PCDHGB3: variants seen among roughly 807,000 people sequenced by gnomAD.
PCDHGB3 encodes protocadherin gamma subfamily B, 3.
In PCDHGB3, 40 loss-of-function variants were observed where a neutral mutation model predicts 59.2. That is an observed-to-expected ratio of 0.68 (90% CI 0.52 to 0.88). The LOEUF (loss-of-function observed/expected upper bound fraction) is 0.88, where lower values mean the gene tolerates loss of function less well. PCDHGB3 is among the 40% of genes least tolerant of loss of function. PCDHGB3 has a pLI of 0.00. For missense variants in PCDHGB3, 1,309 were observed against 1,187.9 expected, an observed-to-expected ratio of 1.10 and a Z score of -1.50; for synonymous variants, 581 against 503.6, an observed-to-expected ratio of 1.15 and a Z score of -2.06.
At chr5:141,463,438 CTTTTTTTTTTTTTT>C (rs71576115) in intron 1 of PCDHGB3, among the ~76,000 whole-genome samples, 7 of 103,256 alleles carry the variant, frequency 6.8e-5, no homozygotes, top group Non-Finnish European at 9.4e-5. Flanking sequence ...TTTCCTTCTC[CTTTTTTTTTTTTTT>C]TTTTTTTTTT....
At chr5:141,405,556 C>G in intron 1 of PCDHGB3, 1 of 619,826 alleles carries the variant, frequency 1.6e-6, no homozygotes, top group African/African-American at 1.8e-5. Flanking sequence ...AGTAGAGTAG[C>G]TGGGACTAGA....
At position 141,432,319 on chromosome 5, in the gene PCDHGB3, C is replaced by A; in HGVS notation, c.2415+59510C>A. The A allele has an allele frequency of 6.2e-7, 1 of 1,614,264 alleles. No individual in the cohort carries two copies. Among genetic ancestry groups the A allele is most frequent in the South Asian group, 1.1e-5 (1 of 91,088 alleles). ...GGGTACTGTATGCGCTGAGCTCCTTCGACTACGAGCAGTTCCGAGACTTGC... is the reference window on the plus strand; with the variant it reads ...GGGTACTGTATGCGCTGAGCTCCTTAGACTACGAGCAGTTCCGAGACTTGC... On this transcript the variant is annotated intron_variant, in intron 1 of 3. Transcript: ENST00000576222. The surrounding 1 kb of genome is among the most constrained non-coding windows in gnomAD (Gnocchi z 6.0).
At chr5:141,446,049 G>T (rs1043671484) in intron 1 of PCDHGB3, among the ~76,000 whole-genome samples, 1 of 152,100 alleles carries the variant, frequency 6.6e-6, no homozygotes, top group African/African-American at 2.4e-5. Context: ...AAGAAGAGCT[G>T]GCTTGGATTA....
At chr5:141,376,372 G>T in intron 1 of PCDHGB3, 1 of 1,614,182 alleles carries the variant, frequency 6.2e-7, no homozygotes, top group Non-Finnish European at 8.5e-7. Flanking sequence ...CTGCAGACTC[G>T]CGTAAGAGTC....
intron 1 of PCDHGB3, among the ~76,000 whole-genome samples, chr5:141,473,366 A>T (rs1292258135): frequency 1.3e-5 from 2 of 152,202 alleles, no homozygotes; most frequent in Non-Finnish European, 2.9e-5. Context: ...GGCCACCAAA[A>T]TAGCATGGTC....
chr5:141,489,804 G>A lies in PCDHGB3; in HGVS notation c.2416-5003G>A, dbSNP rs2099692572. 1 of 1,614,056 alleles carries A rather than the reference G, an allele frequency of 6.2e-7. No homozygotes were observed. The highest frequency in any genetic ancestry group is 1.3e-5 in the African/African-American group (1 of 74,932). ...TGAATGTGAAGACCCTAAAAGATGG[G>A]AAGCCATTCCCAGAGCTGGTGCTAG... On this transcript the variant is annotated intron_variant, in intron 1 of 3. Transcript: ENST00000576222. The surrounding 1 kb of genome is among the most constrained non-coding windows in gnomAD (Gnocchi z 4.5).
intron 1 of PCDHGB3, chr5:141,376,149 TCA>T (rs1772336007): frequency 1.2e-6 from 2 of 1,613,934 alleles, no homozygotes; most frequent in Non-Finnish European, 1.7e-6. Context: ...GATTCGGACC[TCA>T]CTCTGTACCT....
At chr5:141,401,756 A>G (rs560146125) in intron 1 of PCDHGB3, among the ~76,000 whole-genome samples, 2 of 152,332 alleles carry the variant, frequency 1.3e-5, no homozygotes, top group African/African-American at 4.8e-5. Context: ...CTCCCATTAC[A>G]TGGTATAAGT....
chr5:141,404,363 A>G (rs1459982001), intron 1 of PCDHGB3: 15 of 1,613,846 alleles, frequency 9.3e-6, no homozygotes, highest in African/African-American at 1.3e-5. Flanking sequence ...AGGTACTTCC[A>G]TCTTCTCCGT....
chr5:141,384,708 G>T (rs1222018997), intron 1 of PCDHGB3: 3 of 1,614,116 alleles, frequency 1.9e-6, no homozygotes, highest in Non-Finnish European at 2.5e-6. Context: ...AGAACGCCTG[G>T]CTGTCATACC....
chr5:141,375,785 C>G, intron 1 of PCDHGB3: 1 of 1,614,256 alleles, frequency 6.2e-7, no homozygotes, highest in Non-Finnish European at 8.5e-7. Context: ...CCCCGCCCTC[C>G]CCACAGACGG....
intron 1 of PCDHGB3, chr5:141,492,013 T>G: frequency 1.6e-6 from 1 of 610,970 alleles, no homozygotes; most frequent in Non-Finnish European, 2.7e-6. Context: ...TCCGCGGGTG[T>G]CGGGGGTCCC....
intron 1 of PCDHGB3, chr5:141,404,646 C>G (rs1461001534): frequency 3.1e-6 from 5 of 1,614,208 alleles, no homozygotes; most frequent in Non-Finnish European, 3.4e-6. Flanking sequence ...ATCCTGTACC[C>G]TGCCCTCCCC....
intron 2 of PCDHGB3, among the ~76,000 whole-genome samples, chr5:141,495,128 G>T (rs1408872159): frequency 2.6e-5 from 4 of 152,160 alleles, no homozygotes; most frequent in African/African-American, 9.7e-5. Flanking sequence ...TCCCCTGAGG[G>T]CACTGTGGAA....
At position 141,398,826 on chromosome 5, in the gene PCDHGB3, C is replaced by T. The variant is rs755219133; in HGVS notation, c.2415+26017C>T. On this transcript the variant is annotated intron_variant, in intron 1 of 3. Coordinates refer to ENST00000576222, the MANE Select transcript of PCDHGB3 (RefSeq NM_018924.5). ...CCACTGAGCTCCGGATCCAGGTAACCGACGCCAATGATAATCCCCCGGTAT... is the reference window on the plus strand; with the variant it reads ...CCACTGAGCTCCGGATCCAGGTAACTGACGCCAATGATAATCCCCCGGTAT... 81 of 1,613,942 alleles carry T rather than the reference C, an allele frequency of 5.0e-5. 1 individual carries two copies. In the South Asian group the frequency reaches 7.7e-4, roughly 15 times the overall value.
chr5:141,445,814 TA>T (rs1554133713), intron 1 of PCDHGB3, among the ~76,000 whole-genome samples: 1 of 152,182 alleles, frequency 6.6e-6, no homozygotes, highest in Non-Finnish European at 1.5e-5. Context: ...TAGATGAAAC[TA>T]ATAAGGCAGG....
rs1481151067 is a variant in PCDHGB3, at chr5:141,477,223, T to A, written c.2416-17584T>A. On this transcript the variant is annotated intron_variant, in intron 1 of 3. Transcript: ENST00000576222. This position sits in a 1 kb window ranked among gnomAD's most constrained non-coding sequence, Gnocchi z 4.9. ...TACCCGAGGATGCCCCTCTGGGGAC[T>A]GTCATCGCTTTGCTCAGTGTGACTG... The A allele has an allele frequency of 6.2e-7, 1 of 1,614,198 alleles. No individual in the cohort carries two copies. The highest frequency in any genetic ancestry group is 1.1e-5 in the South Asian group (1 of 91,084).
At chr5:141,442,473 C>T (rs1435437337) in intron 1 of PCDHGB3, 1 of 152,240 alleles carries the variant, frequency 6.6e-6, no homozygotes, top group Non-Finnish European at 1.5e-5. Flanking sequence ...CAGAAAGCCC[C>T]TTGGGGAAGG....
rs1389786201 is a variant in PCDHGB3, at chr5:141,486,949, G to A, written c.2416-7858G>A. 4 of 1,614,224 alleles carry A rather than the reference G, an allele frequency of 2.5e-6. No individual in the cohort carries two copies. Among genetic ancestry groups the A allele is most frequent in the African/African-American group, 2.7e-5 (2 of 75,064 alleles). ...TTGGTGCTGGCCACCTAATCACAAA[G>A]GTGACTGCTGTGGACTTGGATTCAG... On this transcript the variant is annotated intron_variant, in intron 1 of 3. Coordinates refer to ENST00000576222, the MANE Select transcript of PCDHGB3 (RefSeq NM_018924.5). The surrounding 1 kb of genome is among the most constrained non-coding windows in gnomAD (Gnocchi z 5.0).
Sources: gnomAD v4.1 joint callset for allele counts (sites outside exome capture counted in the v4.1 genomes callset) on GRCh38, gnomAD v4.1.1 for gene constraint, Gnocchi (gnomAD v3.1) non-coding constraint, MANE v1.5 for transcripts, NCBI Gene and HGNC (gene_info 2026-07-23, HGNC 2026-07-21) for gene names.